The following MTMR8 variants were observed in gnomAD, a reference collection of about 807,000 sequenced individuals.
The protein encoded by MTMR8 is myotubularin related protein 8.
In MTMR8, 65 loss-of-function variants were observed where a neutral mutation model predicts 39.3. The ratio of observed to expected loss-of-function variants is 1.65; its 90% CI spans 1.35 to 2.03. The LOEUF (loss-of-function observed/expected upper bound fraction) is 2.03, where lower values mean the gene tolerates loss of function less well. MTMR8 is among the 30% of genes most tolerant of loss of function. MTMR8 has a pLI of 0.00. For synonymous variants in MTMR8, 245 were observed against 185.2 expected, an observed-to-expected ratio of 1.32 and a Z score of -2.62; for missense variants, 777 against 538.9, an observed-to-expected ratio of 1.44 and a Z score of -4.37.
intron 1 of MTMR8, among the ~76,000 whole-genome samples, chrX:64,382,068 G>T (rs745386627): frequency 9.0e-6 from 1 of 111,649 alleles, no homozygotes; most frequent in East Asian, 2.8e-4. Flanking sequence ...TTTGGTTTAG[G>T]ATTGACTTGG....
intron 12 of MTMR8, among the ~76,000 whole-genome samples, chrX:64,303,366 C>G (rs1921968657): frequency 8.9e-6 from 1 of 112,115 alleles, no homozygotes; most frequent in Admixed American, 9.5e-5. Flanking sequence ...TAGTTTTAAA[C>G]TTTATATTTC....
chrX:64,295,675 A>T (rs1399543361), intron 12 of MTMR8, among the ~76,000 whole-genome samples: 2 of 112,064 alleles, frequency 1.8e-5, no homozygotes, highest in Non-Finnish European at 3.8e-5. Flanking sequence ...TCCAAAGAAG[A>T]TATACAAATG....
At chrX:64,303,820 A>C (rs1366848695) in intron 12 of MTMR8, among the ~76,000 whole-genome samples, 1 of 112,306 alleles carries the variant, frequency 8.9e-6, no homozygotes, top group Admixed American at 9.5e-5. Flanking sequence ...CACAACTGAA[A>C]CTTTTTTCTT....
At chrX:64,379,306 C>T (rs1477384137) in intron 1 of MTMR8, among the ~76,000 whole-genome samples, 1 of 111,841 alleles carries the variant, frequency 8.9e-6, no homozygotes, top group Non-Finnish European at 1.9e-5. Context: ...AATTCCAAAA[C>T]CAGAAAATAC....
At chrX:64,387,078 C>T (rs1924579191) in intron 1 of MTMR8, among the ~76,000 whole-genome samples, 1 of 110,984 alleles carries the variant, frequency 9.0e-6, no homozygotes, top group Non-Finnish European at 1.9e-5. Context: ...AGAAACTAGG[C>T]TTGCCCCTGC....
chrX:64,286,576 A>G (rs1921186308), intron 12 of MTMR8, among the ~76,000 whole-genome samples: 2 of 112,138 alleles, frequency 1.8e-5, no homozygotes, highest in African/African-American at 3.2e-5. Context: ...AAATACTGGC[A>G]AACTGAATCC....
chrX:64,285,574 T>G (rs1409347921), intron 12 of MTMR8, among the ~76,000 whole-genome samples: 2 of 111,523 alleles, frequency 1.8e-5, no homozygotes, highest in East Asian at 5.6e-4. Flanking sequence ...TAGTTGGAAG[T>G]AAAACACTCC....
chrX:64,288,788 T>A (rs1343410986), intron 12 of MTMR8, among the ~76,000 whole-genome samples: 1 of 110,206 alleles, frequency 9.1e-6, no homozygotes. Flanking sequence ...AAACACCGCA[T>A]GTTGTCACTC....
intron 12 of MTMR8, among the ~76,000 whole-genome samples, chrX:64,292,176 T>C (rs1602111263): frequency 9.0e-6 from 1 of 111,707 alleles, no homozygotes; most frequent in East Asian, 2.8e-4. Context: ...CCGATGCTGG[T>C]CTCCTAAGCA....
In MTMR8 at chrX:64,328,734, C is replaced by A. The variant is rs762110221; in HGVS notation, c.1481+38G>T. 3.6e-6 allele frequency: 4 copies of A among 1,125,513 alleles called. No individual in the cohort carries two copies. The South Asian group carries it at 9.4e-5, about 26-fold the overall frequency. 92.8% of individuals were successfully genotyped at this position (1,125,513 alleles called of 1,213,427 possible). On this transcript the variant is annotated intron_variant, in intron 12 of 13. Coordinates refer to ENST00000374852, the MANE Select transcript of MTMR8 (RefSeq NM_017677.4). ...AAGCAAGGAAGCTGAGACCCTGGGACCTGCTATAAGAAAGGAGGGAAAAAC... is the reference window on the plus strand; with the variant it reads ...AAGCAAGGAAGCTGAGACCCTGGGAACTGCTATAAGAAAGGAGGGAAAAAC...
At chrX:64,343,226 T>A (rs944155683) in intron 8 of MTMR8, among the ~76,000 whole-genome samples, 6 of 112,099 alleles carry the variant, frequency 5.4e-5, no homozygotes, top group Admixed American at 1.9e-4. Flanking sequence ...TCAATTATTA[T>A]CAATTATCAA....
intron 12 of MTMR8, among the ~76,000 whole-genome samples, chrX:64,279,041 T>TG (rs58134393): frequency 0.24 from 26,502 of 110,789 alleles, 7,712 homozygotes; most frequent in African/African-American, 0.83. Flanking sequence ...TCAGGAGGCA[T>TG]GGGGTCAGGG....
chrX:64,351,773 T>C (rs751298622), intron 4 of MTMR8, among the ~76,000 whole-genome samples: 1 of 111,266 alleles, frequency 9.0e-6, no homozygotes, highest in Non-Finnish European at 1.9e-5. Flanking sequence ...GCAGGAAGCA[T>C]TTAGCATGGG....
chrX:64,282,615 T>C (rs1179704385), intron 12 of MTMR8, among the ~76,000 whole-genome samples: 1 of 111,416 alleles, frequency 9.0e-6, no homozygotes, highest in Non-Finnish European at 1.9e-5. Context: ...AGGGTGAAAA[T>C]TGTAAAATTA....
chrX:64,370,404 CT>C (rs1924097989), intron 1 of MTMR8, among the ~76,000 whole-genome samples: 1 of 109,967 alleles, frequency 9.1e-6, no homozygotes, highest in South Asian at 3.9e-4. Flanking sequence ...AGGCGAGATG[CT>C]TGTGAACATA....
At chrX:64,297,409 C>T (rs1279343100) in intron 12 of MTMR8, among the ~76,000 whole-genome samples, 6 of 101,859 alleles carry the variant, frequency 5.9e-5, no homozygotes, top group African/African-American at 1.8e-4. Context: ...ATGTCCTTCA[C>T]CCACTTTTTG....
At chrX:64,383,466 A>G (rs1436179698) in intron 1 of MTMR8, among the ~76,000 whole-genome samples, 1 of 109,014 alleles carries the variant, frequency 9.2e-6, no homozygotes, top group Non-Finnish European at 1.9e-5. Flanking sequence ...ATACATACAT[A>G]ATTTATTATA....
At chrX:64,345,239 A>G in intron 6 of MTMR8, 62 bp from the exon 7 acceptor site, 1 of 1,088,394 alleles carries the variant, frequency 9.2e-7, no homozygotes, top group South Asian at 2.0e-5. Context: ...GGAGTTCATC[A>G]ATCTCAATGC....
intron 2 of MTMR8, among the ~76,000 whole-genome samples, chrX:64,358,809 G>C (rs1235044759): frequency 1.0e-4 from 10 of 96,194 alleles, no homozygotes; most frequent in African/African-American, 4.3e-4. Flanking sequence ...TTACTTACAG[G>C]TATAAAAAGA....
Sources: allele counts gnomAD v4.1 joint callset (sites outside exome capture counted in the v4.1 genomes callset), GRCh38; gene constraint gnomAD v4.1.1; transcripts MANE v1.5; gene names NCBI Gene and HGNC (gene_info 2026-07-23, HGNC 2026-07-21).